Variants in SPMAP2L observed in about 807,000 individuals in gnomAD.
The protein encoded by SPMAP2L is sperm microtubule associated protein 2-like.
At chr4:56,553,997 G>GTT in the SPMAP2L span, among the ~76,000 whole-genome samples, 21 of 148,078 alleles carry the variant, frequency 1.4e-4, 1 homozygote, top group South Asian at 1.7e-3. Flanking sequence ...CTTCCTTTAT[G>GTT]TTTTTTTTTT....
At chr4:56,553,473 G>A in the SPMAP2L span, among the ~76,000 whole-genome samples, 1 of 149,500 alleles carries the variant, frequency 6.7e-6, no homozygotes, top group Admixed American at 6.7e-5. Flanking sequence ...GATTACAGAC[G>A]TGAGCCACCA....
chr4:56,588,572 T>C, the SPMAP2L span, among the ~76,000 whole-genome samples: 1,033 of 152,018 alleles, frequency 6.8e-3, 13 homozygotes, highest in African/African-American at 0.024. Flanking sequence ...GCTGGGATTA[T>C]AGGCATGCAC....
At chr4:56,580,987 G>A in the SPMAP2L span, among the ~76,000 whole-genome samples, 3 of 152,086 alleles carry the variant, frequency 2.0e-5, no homozygotes, top group African/African-American at 7.2e-5. Flanking sequence ...AGGACACTAT[G>A]CTGAGTTTAA....
At chr4:56,585,788 C>T in the SPMAP2L span, among the ~76,000 whole-genome samples, 14 of 152,168 alleles carry the variant, frequency 9.2e-5, no homozygotes, top group South Asian at 2.1e-4. Flanking sequence ...CAAAGCCTTG[C>T]TTTCTGTTTT....
chr4:56,572,043 T>C, the SPMAP2L span, among the ~76,000 whole-genome samples: 1 of 152,014 alleles, frequency 6.6e-6, no homozygotes, highest in Non-Finnish European at 1.5e-5. Context: ...TTACAGTTAA[T>C]TTTTTTTATA....
the SPMAP2L span, among the ~76,000 whole-genome samples, chr4:56,550,491 C>A: frequency 1.3e-5 from 2 of 151,996 alleles, no homozygotes; most frequent in African/African-American, 4.8e-5. Context: ...CCAAGGTTGT[C>A]AGGTGGCTGA....
the SPMAP2L span, among the ~76,000 whole-genome samples, chr4:56,587,089 T>G: frequency 6.6e-6 from 1 of 152,162 alleles, no homozygotes; most frequent in Admixed American, 6.5e-5. Flanking sequence ...TTTTATTATT[T>G]TATTTATAAT....
At chr4:56,605,595 C>G in the SPMAP2L span, among the ~76,000 whole-genome samples, 1 of 152,204 alleles carries the variant, frequency 6.6e-6, no homozygotes, top group Non-Finnish European at 1.5e-5. Context: ...AATCACCTAG[C>G]CTTGCTTTTC....
the SPMAP2L span, chr4:56,530,959 C>T: frequency 1.3e-6 from 2 of 1,535,190 alleles, no homozygotes; most frequent in Non-Finnish European, 1.7e-6. Flanking sequence ...CCACAAGCCC[C>T]GGGACTCCTA....
At chr4:56,548,806 T>C in the SPMAP2L span, 6 of 1,487,440 alleles carry the variant, frequency 4.0e-6, no homozygotes, top group African/African-American at 1.4e-5. Context: ...CTGTTTCCTG[T>C]GACTTTGTAA....
At chr4:56,594,356 GAA>G in the SPMAP2L span, 553 of 1,542,700 alleles carry the variant, frequency 3.6e-4, 3 homozygotes, top group East Asian at 0.01. Context: ...CAGTTCGTCT[GAA>G]CTCGCACCTA....
the SPMAP2L span, chr4:56,584,572 A>G: frequency 6.5e-7 from 1 of 1,535,336 alleles, no homozygotes; most frequent in African/African-American, 1.4e-5. Context: ...AACTCTCAGT[A>G]GCCAAAGGCA....
At chr4:56,593,010 C>A in the SPMAP2L span, 2 of 1,598,690 alleles carry the variant, frequency 1.3e-6, no homozygotes, top group Non-Finnish European at 1.7e-6. Context: ...GAAATCCTTG[C>A]AACTCTGCAT....
At chr4:56,568,191 C>T in the SPMAP2L span, among the ~76,000 whole-genome samples, 3 of 151,936 alleles carry the variant, frequency 2.0e-5, no homozygotes, top group African/African-American at 7.3e-5. Context: ...TTTTCTTTGC[C>T]TTCTTGAAAA....
the SPMAP2L span, among the ~76,000 whole-genome samples, chr4:56,616,619 G>A: frequency 6.6e-6 from 1 of 152,190 alleles, no homozygotes; most frequent in Admixed American, 6.5e-5. Flanking sequence ...TCCCTCTGGA[G>A]CAAAGTGAGC....
chr4:56,617,045 C>A, the SPMAP2L span, among the ~76,000 whole-genome samples: 1 of 152,064 alleles, frequency 6.6e-6, no homozygotes, highest in Non-Finnish European at 1.5e-5. Context: ...AGTACGGAAC[C>A]CTATGTATAC....
chr4:56,600,985 G>A, the SPMAP2L span: 1 of 1,535,404 alleles, frequency 6.5e-7, no homozygotes, highest in South Asian at 1.2e-5. Context: ...AATAGCTCTA[G>A]CGAAGTCCAA....
the SPMAP2L span, among the ~76,000 whole-genome samples, chr4:56,555,424 A>G: frequency 3.9e-5 from 6 of 152,136 alleles, no homozygotes; most frequent in African/African-American, 1.2e-4. Flanking sequence ...TTGTTCTTGA[A>G]TATTATGTTG....
At chr4:56,573,034 A>AAC in the SPMAP2L span, among the ~76,000 whole-genome samples, 1 of 145,256 alleles carries the variant, frequency 6.9e-6, no homozygotes, top group Admixed American at 6.8e-5. Context: ...AAAAAAAAAA[A>AAC]TTTGAGTACC....
Sources: gnomAD v4.1 joint callset for allele counts (sites outside exome capture counted in the v4.1 genomes callset) on GRCh38, gnomAD v4.1.1 for gene constraint, MANE v1.5 for transcripts, NCBI Gene and HGNC (gene_info 2026-07-23, HGNC 2026-07-21) for gene names.